The following SUPT3H variants were observed in gnomAD, a reference collection of about 807,000 sequenced individuals.
SUPT3H encodes the protein SPT3 homolog, SAGA and STAGA complex component.
In SUPT3H, 44 loss-of-function variants were observed where a neutral mutation model predicts 44.3. That is an observed-to-expected ratio of 0.99 (90% CI 0.78 to 1.28). The LOEUF is 1.28. Ranked by LOEUF, SUPT3H falls within the 50% of genes most tolerant of loss-of-function variation. The pLI is 0.00. For missense variants in SUPT3H, 380 were observed against 387.1 expected (o/e 0.98, Z 0.15); for synonymous variants, 124 against 125.6 (o/e 0.99, Z 0.09).
intron 10 of SUPT3H, among the ~76,000 whole-genome samples, chr6:44,830,247 G>A (rs1417470984): frequency 6.6e-5 from 10 of 152,114 alleles, no homozygotes; most frequent in Non-Finnish European, 2.9e-5. Flanking sequence ...ATAAATTACT[G>A]ACTCATTACT....
intron 2 of SUPT3H, among the ~76,000 whole-genome samples, chr6:45,222,440 G>T (rs1045696263): frequency 1.3e-5 from 2 of 152,076 alleles, no homozygotes; most frequent in Non-Finnish European, 2.9e-5. Flanking sequence ...ACACAAAATG[G>T]TGTTCAACAT....
intron 3 of SUPT3H, among the ~76,000 whole-genome samples, chr6:45,051,840 T>C (rs1054741444): frequency 1.3e-5 from 2 of 152,054 alleles, no homozygotes; most frequent in African/African-American, 4.8e-5. Flanking sequence ...GATTGGAGAG[T>C]AGAATACTCT....
At chr6:45,136,399 T>C (rs1232110985) in intron 2 of SUPT3H, among the ~76,000 whole-genome samples, 1 of 152,044 alleles carries the variant, frequency 6.6e-6, no homozygotes, top group African/African-American at 2.4e-5. Flanking sequence ...CAAAATACTA[T>C]CTTAGTCCAG....
chr6:45,185,019 A>G (rs1165853769), intron 2 of SUPT3H, among the ~76,000 whole-genome samples: 1 of 152,160 alleles, frequency 6.6e-6, no homozygotes, highest in African/African-American at 2.4e-5. Flanking sequence ...ACAGTAGTCA[A>G]TCAGGAAGTT....
In SUPT3H at chr6:45,077,463, C is replaced by T. The variant is rs562572764; in HGVS notation, c.186+28459G>A. Among the ~76,000 whole-genome samples the T allele has an allele frequency of 4.6e-5, 7 of 151,626 alleles. No homozygotes were observed. The East Asian group carries it at 1.4e-3, about 29-fold the overall frequency. Reference sequence around the variant, plus strand: ...GCAACATAGTGAAACCCTGTCTCTACAAAAACTTTAAAAACTAGCCAGGTG... The same window carrying T: ...GCAACATAGTGAAACCCTGTCTCTATAAAAACTTTAAAAACTAGCCAGGTG... On this transcript the variant is annotated intron_variant, in intron 3 of 10. Transcript: ENST00000371459.
In SUPT3H at chr6:44,826,999, A is replaced by C. The variant is rs1023656733; in HGVS notation, c.*2817T>G. On this transcript the variant is annotated 3_prime_UTR_variant, in exon 11 of 11. Transcript: ENST00000371459. The stretch of plus-strand genomic sequence containing the variant: ...GGAAAGCTAATGGCATAACCCTCTA[A>C]ATGGCACGTTCAGAAAGTTATACTT... Among the ~76,000 whole-genome samples, 2 of 152,194 alleles carry C rather than the reference A, an allele frequency of 1.3e-5. No homozygotes were observed. The highest frequency in any genetic ancestry group is 2.9e-5 in the Non-Finnish European group (2 of 68,012).
At chr6:44,986,871 T>A (rs2153493986) in intron 6 of SUPT3H, among the ~76,000 whole-genome samples, 1 of 152,086 alleles carries the variant, frequency 6.6e-6, no homozygotes, top group African/African-American at 2.4e-5. Context: ...AGATCACGGA[T>A]GATAAGTGCC....
At chr6:44,963,890 T>C (rs1776416182) in intron 6 of SUPT3H, among the ~76,000 whole-genome samples, 1 of 151,492 alleles carries the variant, frequency 6.6e-6, no homozygotes, top group South Asian at 2.1e-4. Flanking sequence ...TCCCAGCTAC[T>C]CGGAGGCTGA....
intron 2 of SUPT3H, chr6:45,321,735 T>C (rs1255869409): frequency 6.0e-6 from 7 of 1,173,926 alleles, no homozygotes; most frequent in Non-Finnish European, 8.8e-6. Flanking sequence ...ATACATTCTC[T>C]CTTCTACCCA....
intron 10 of SUPT3H, among the ~76,000 whole-genome samples, chr6:44,881,426 C>T (rs1453211189): frequency 6.6e-6 from 1 of 152,118 alleles, no homozygotes; most frequent in African/African-American, 2.4e-5. Flanking sequence ...TAGACTCCCA[C>T]ACAATAATAG....
At chr6:45,053,382 C>T (rs1311932511) in intron 3 of SUPT3H, among the ~76,000 whole-genome samples, 1 of 151,786 alleles carries the variant, frequency 6.6e-6, no homozygotes, top group African/African-American at 2.4e-5. Context: ...AGAATAGCAA[C>T]CAAAAATTTA....
chr6:44,922,822 T>C (rs1198145000), intron 10 of SUPT3H, among the ~76,000 whole-genome samples: 3 of 152,180 alleles, frequency 2.0e-5, no homozygotes, highest in African/African-American at 7.2e-5. Flanking sequence ...TCTTGCCATT[T>C]TTACAGCACA....
intron 2 of SUPT3H, among the ~76,000 whole-genome samples, chr6:45,236,312 G>A (rs1480599945): frequency 6.6e-6 from 1 of 152,076 alleles, no homozygotes; most frequent in African/African-American, 2.4e-5. Flanking sequence ...GAACTAAGCT[G>A]GAGGACACCC....
chr6:44,905,365 G>C (rs140824721), intron 10 of SUPT3H, among the ~76,000 whole-genome samples: 1 of 151,832 alleles, frequency 6.6e-6, no homozygotes, highest in Non-Finnish European at 1.5e-5. Context: ...CAAAGGATAC[G>C]AACAGACACT....
At chr6:44,972,168 G>GC (rs1406016185) in intron 6 of SUPT3H, among the ~76,000 whole-genome samples, 1 of 152,046 alleles carries the variant, frequency 6.6e-6, no homozygotes, top group Non-Finnish European at 1.5e-5. Flanking sequence ...CCACTTACAA[G>GC]CCTGTAAAAT....
In SUPT3H at chr6:44,835,444, TGAGGGCACAGAGGGTTGAGGTTG is replaced by T. The variant is rs1769665215; in HGVS notation, c.913-5610_913-5588del. Among the ~76,000 whole-genome samples, 3 of 148,424 alleles carry T rather than the reference TGAGGGCACAGAGGGTTGAGGTTG, an allele frequency of 2.0e-5. No individual in the cohort carries two copies. In the East Asian group the frequency reaches 6.0e-4, roughly 30 times the overall value. On this transcript the variant is annotated intron_variant, in intron 10 of 10. Transcript: ENST00000371459. Reference sequence around the variant, plus strand: ...TCCAAATTCTTCACATCTTGGGATGTGAGGGCACAGAGGGTTGAGGTTGAAAGGGATGAAGATGGGCACAGAGG... The same window carrying T: ...TCCAAATTCTTCACATCTTGGGATGTAAAGGGATGAAGATGGGCACAGAGG...
chr6:44,839,462 C>T lies in SUPT3H; in HGVS notation c.913-9605G>A, dbSNP rs536552299. Among the ~76,000 whole-genome samples the T allele has an allele frequency of 3.2e-4, 48 of 152,078 alleles. No homozygotes were observed. The East Asian group carries it at 6.8e-3, about 21-fold the overall frequency. ...CTGGGACTGCAGGTGTGCACCACCA[C>T]GCTCAGCTAATTAAAAAAATTTTTT... On this transcript the variant is annotated intron_variant, in intron 10 of 10. Transcript: ENST00000371459.
At chr6:45,249,135 C>A (rs1314701599) in intron 2 of SUPT3H, among the ~76,000 whole-genome samples, 1 of 152,098 alleles carries the variant, frequency 6.6e-6, no homozygotes, top group Non-Finnish European at 1.5e-5. Context: ...GTTATTCTTT[C>A]CCAGATATAA....
intron 2 of SUPT3H, among the ~76,000 whole-genome samples, chr6:45,198,852 T>C (rs1173741673): frequency 6.6e-6 from 1 of 151,332 alleles, no homozygotes; most frequent in African/African-American, 2.4e-5. Context: ...TAACTTCTAA[T>C]CATATCTGTT....
Sources: gnomAD v4.1 joint callset for allele counts (sites outside exome capture counted in the v4.1 genomes callset) on GRCh38, gnomAD v4.1.1 for gene constraint, MANE v1.5 for transcripts, NCBI Gene and HGNC (gene_info 2026-07-23, HGNC 2026-07-21) for gene names.